Variants in TRAF2 observed in about 807,000 individuals in gnomAD.
The protein encoded by TRAF2 is TNF receptor associated factor 2.
A neutral mutation model predicts 55.6 loss-of-function variants in TRAF2; 6 were observed. That is an observed-to-expected ratio of 0.11 (90% CI 0.06 to 0.21). TRAF2 has a LOEUF of 0.21. Among genes scored for constraint, TRAF2 ranks in the 10% least tolerant of loss-of-function variants. TRAF2 has a pLI of 1.00. For missense variants in TRAF2, 561 were observed against 684.5 expected (o/e 0.82, Z 2.01); for synonymous variants, 329 against 276.3 (o/e 1.19, Z -1.89).
At chr9:136,922,269 T>C (rs569103340) in intron 9 of TRAF2, 1 of 152,396 alleles carries the variant, frequency 6.6e-6, no homozygotes, top group South Asian at 2.1e-4. Context: ...AAATGAAAGA[T>C]TGTTTTAGGG....
intron 4 of TRAF2, among the ~76,000 whole-genome samples, chr9:136,906,142 A>G (rs1347821445): frequency 1.3e-5 from 2 of 152,012 alleles, no homozygotes; most frequent in African/African-American, 4.8e-5. Flanking sequence ...CAAAAATACA[A>G]AGAAATTTAG....
intron 4 of TRAF2, among the ~76,000 whole-genome samples, chr9:136,901,737 G>A (rs1162001021): frequency 1.3e-5 from 2 of 152,202 alleles, no homozygotes; most frequent in East Asian, 3.9e-4. Flanking sequence ...GGAGCTTCCT[G>A]CCCGGGCCAG....
chr9:136,886,625 G>A, intron 1 of TRAF2, 84 bp downstream of exon 1: 6 of 947,728 alleles, frequency 6.3e-6, no homozygotes, highest in Non-Finnish European at 7.5e-6. Flanking sequence ...GGGCGCAGGC[G>A]CGGGCACCTC....
At chr9:136,895,687 A>G (rs1433378142) in intron 1 of TRAF2, among the ~76,000 whole-genome samples, 1 of 152,010 alleles carries the variant, frequency 6.6e-6, no homozygotes, top group Non-Finnish European at 1.5e-5. Flanking sequence ...CCCCATCTGA[A>G]AAATACAAAA....
chr9:136,905,886 C>T (rs904446480), intron 4 of TRAF2, among the ~76,000 whole-genome samples: 8 of 152,126 alleles, frequency 5.3e-5, no homozygotes, highest in Admixed American at 2.0e-4. Flanking sequence ...AGGTGAATCA[C>T]GAGGTCAGGA....
chr9:136,918,227 TTATATATATATATATATATA>T (rs764701854), intron 7 of TRAF2, among the ~76,000 whole-genome samples: 6 of 68,080 alleles, frequency 8.8e-5, no homozygotes, highest in African/African-American at 4.8e-4. Context: ...AGTGTTTTGT[TTATATATATATATATATATA>T]TATATATATA....
At chr9:136,900,327 G>A (rs1038319420) in intron 3 of TRAF2, 95 bp from the exon 4 acceptor site, 18 of 751,524 alleles carry the variant, frequency 2.4e-5, no homozygotes, top group South Asian at 7.5e-5. Context: ...GCGATGTGAC[G>A]CAGTATTGGT....
At chr9:136,885,732 A>C (rs1267588027), upstream of TRAF2, among the ~76,000 whole-genome samples, 8 of 151,824 alleles carry the variant, frequency 5.3e-5, no homozygotes, top group East Asian at 1.9e-4. Context: ...CGCGCCACTG[A>C]ACTCCAGCCT....
At chr9:136,916,439 G>A (rs556836726) in intron 6 of TRAF2, 102 bp from the exon 7 acceptor site, 1 of 1,197,956 alleles carries the variant, frequency 8.3e-7, no homozygotes, top group South Asian at 1.2e-5. Context: ...AGGCCAACGG[G>A]GCAGGTCATG....
At chr9:136,904,210 C>T (rs7868660) in intron 4 of TRAF2, among the ~76,000 whole-genome samples, 117,254 of 151,750 alleles carry the variant, frequency 0.77, 45,604 homozygotes, top group African/African-American at 0.87. Flanking sequence ...CATTTTATTA[C>T]TATTATTTTT....
In TRAF2 at chr9:136,918,501, G is replaced by A. The variant is rs1030051154; in HGVS notation, c.679-1733G>A. 3.9e-5 allele frequency among the ~76,000 whole-genome samples: 6 copies of A among 151,912 alleles called. No homozygotes were observed. The East Asian group carries it at 7.7e-4, about 20-fold the overall frequency. On this transcript the variant is annotated intron_variant, in intron 7 of 10. Transcript: ENST00000247668. The stretch of plus-strand genomic sequence containing the variant: ...GATGAGGTTTCACCATGTTGCCCAG[G>A]CTGGTCTCGAACTTCTGACCTCAAG...
intron 1 of TRAF2, among the ~76,000 whole-genome samples, chr9:136,892,325 A>C (rs1420395703): frequency 6.6e-6 from 1 of 152,000 alleles, no homozygotes; most frequent in African/African-American, 2.4e-5. Flanking sequence ...TTAGCTGGGC[A>C]TGGTGACTGG....
At position 136,886,521 on chromosome 9, in the gene TRAF2, C is replaced by T. The variant is rs1344557206; in HGVS notation, c.-49C>T. The T allele has an allele frequency of 2.0e-6, 2 of 989,894 alleles. No individual in the cohort carries two copies. Among genetic ancestry groups the T allele is most frequent in the African/African-American group, 3.5e-5 (2 of 56,910 alleles). The allele number at this position is 989,894 out of a possible 1,614,324, so 61.3% of individuals were successfully genotyped here. On this transcript the variant is annotated 5_prime_UTR_variant, in exon 1 of 11. Transcript: ENST00000247668. Reference sequence around the variant, plus strand: ...CGGTAGCTGGGCGGGCCCTTAGTTCCGGGCGCGCTGCGACCGTTGGGTGAG... The same window carrying T: ...CGGTAGCTGGGCGGGCCCTTAGTTCTGGGCGCGCTGCGACCGTTGGGTGAG...
At chr9:136,921,708 T>A (rs17244194) in intron 9 of TRAF2, among the ~76,000 whole-genome samples, 8 of 151,200 alleles carry the variant, frequency 5.3e-5, no homozygotes, top group African/African-American at 7.3e-5. Flanking sequence ...TTTTTTTTTT[T>A]AAACCCCAAC....
At chr9:136,883,987 G>A (rs1849403706), upstream of TRAF2, among the ~76,000 whole-genome samples, 1 of 151,786 alleles carries the variant, frequency 6.6e-6, no homozygotes, top group African/African-American at 2.4e-5. Flanking sequence ...ACCATGCCCA[G>A]CTAATTTTTG....
At chr9:136,924,989 G>A (rs1431148095) in intron 10 of TRAF2, among the ~76,000 whole-genome samples, 19 of 152,208 alleles carry the variant, frequency 1.2e-4, no homozygotes, top group Non-Finnish European at 2.4e-4. Context: ...CGCCCACCTT[G>A]GCCTCCCAAA....
intron 6 of TRAF2, among the ~76,000 whole-genome samples, chr9:136,916,103 G>A (rs1850234890): frequency 6.6e-6 from 1 of 152,154 alleles, no homozygotes; most frequent in African/African-American, 2.4e-5. Context: ...GTGTCTGTGT[G>A]CACTTGGCCC....
In TRAF2 at chr9:136,925,775, C is replaced by A. The variant is rs1379697677; in HGVS notation, c.1380C>A (p.Val460=). 3 of 1,614,244 alleles carry A rather than the reference C, an allele frequency of 1.9e-6. No homozygotes were observed. The highest frequency in any genetic ancestry group is 2.5e-6 in the Non-Finnish European group (3 of 1,180,042). The change falls in exon 11 of 11, where the codon GTC becomes GTA. Residue 460 remains valine, a synonymous_variant. Transcript: ENST00000247668. ...DVTSSSFQRP[V]NDMNIASGCP... ...CTTCATCCTCTTTTCAGAGGCCAGTCAACGACATGAACATCGCAAGCGGCT... is the reference window on the plus strand; with the variant it reads ...CTTCATCCTCTTTTCAGAGGCCAGTAAACGACATGAACATCGCAAGCGGCT...
At chr9:136,924,144 T>C in intron 10 of TRAF2, 144 bp downstream of exon 10, 1 of 1,032,870 alleles carries the variant, frequency 9.7e-7, no homozygotes. Context: ...CACCCTGTGA[T>C]GCTGTGTCAC....
Sources: allele counts gnomAD v4.1 joint callset (sites outside exome capture counted in the v4.1 genomes callset), GRCh38; gene constraint gnomAD v4.1.1; transcripts MANE v1.5; gene names NCBI Gene and HGNC (gene_info 2026-07-23, HGNC 2026-07-21).